MALRD1: variants seen among roughly 807,000 people sequenced by gnomAD.
The protein encoded by MALRD1 is MAM and LDL-receptor class A domain-containing protein 1.
Under a neutral mutation model 242.1 loss-of-function variants are expected in MALRD1, and 247 were observed. The ratio of observed to expected loss-of-function variants is 1.02; its 90% confidence interval spans 0.92 to 1.13. The LOEUF (loss-of-function observed/expected upper bound fraction) is 1.13. Ranked by LOEUF, MALRD1 falls within the 50% of genes most tolerant of loss-of-function variation. The probability of loss-of-function intolerance (pLI) is 0.00; values close to 1 mark genes in which losing one functional copy is unlikely to be tolerated. For synonymous variants in MALRD1, 995 were observed against 866.6 expected, an observed-to-expected ratio of 1.15 and a Z score of -2.60; for missense variants, 2,989 against 2,533.1, an observed-to-expected ratio of 1.18 and a Z score of -3.86.
intron 29 of MALRD1, among the ~76,000 whole-genome samples, chr10:19,461,892 C>A (rs1014418210): frequency 2.0e-5 from 3 of 152,090 alleles, no homozygotes; most frequent in Non-Finnish European, 4.4e-5. Context: ...TCTACTTTAC[C>A]GTACATAAAG....
chr10:19,677,211 T>G (rs778152139), intron 36 of MALRD1, among the ~76,000 whole-genome samples: 7 of 152,178 alleles, frequency 4.6e-5, no homozygotes, highest in Non-Finnish European at 1.0e-4. Context: ...AAATGGTATT[T>G]CTGGTTCTAG....
intron 21 of MALRD1, among the ~76,000 whole-genome samples, chr10:19,293,211 C>T (rs1051624712): frequency 2.0e-5 from 3 of 152,098 alleles, no homozygotes; most frequent in African/African-American, 7.2e-5. Flanking sequence ...TCCTTAGAAA[C>T]AGTTTTAGTG....
At chr10:19,302,465 A>G (rs1002877309) in intron 21 of MALRD1, among the ~76,000 whole-genome samples, 1 of 151,852 alleles carries the variant, frequency 6.6e-6, no homozygotes, top group African/African-American at 2.4e-5. Context: ...AAATGGAATG[A>G]CGGACCGTTG....
At chr10:19,500,245 C>T (rs754042669) in intron 31 of MALRD1, among the ~76,000 whole-genome samples, 20 of 152,118 alleles carry the variant, frequency 1.3e-4, no homozygotes, top group Non-Finnish European at 2.4e-4. Context: ...TGACTTGCCA[C>T]GTTGTAGCTC....
At chr10:19,110,922 C>T (rs544551734) in intron 5 of MALRD1, among the ~76,000 whole-genome samples, 1 of 152,264 alleles carries the variant, frequency 6.6e-6, no homozygotes, top group Admixed American at 6.5e-5. Context: ...GACTTTCCTA[C>T]TGTAGGGAAG....
At chr10:19,703,144 T>G (rs1167850591) in intron 38 of MALRD1, among the ~76,000 whole-genome samples, 1 of 152,170 alleles carries the variant, frequency 6.6e-6, no homozygotes, top group Non-Finnish European at 1.5e-5. Flanking sequence ...GAATTTAGGG[T>G]AAAGACACAG....
chr10:19,688,345 C>T (rs1222795363), intron 36 of MALRD1, among the ~76,000 whole-genome samples: 1 of 152,112 alleles, frequency 6.6e-6, no homozygotes, highest in Non-Finnish European at 1.5e-5. Flanking sequence ...TCCCGGCAGC[C>T]TCCAACTCTT....
intron 25 of MALRD1, among the ~76,000 whole-genome samples, chr10:19,350,196 G>T (rs1010606657): frequency 3.3e-5 from 5 of 151,802 alleles, no homozygotes; most frequent in African/African-American, 1.2e-4. Context: ...TCTTTGTAGG[G>T]GTTGGTATAT....
At chr10:19,565,857 A>G (rs944011481) in intron 32 of MALRD1, among the ~76,000 whole-genome samples, 4 of 152,160 alleles carry the variant, frequency 2.6e-5, no homozygotes, top group African/African-American at 7.2e-5. Flanking sequence ...AAAGTCTCAC[A>G]TTTCAGGTTT....
At chr10:19,116,068 T>C (rs1375876857) in intron 5 of MALRD1, among the ~76,000 whole-genome samples, 1 of 152,154 alleles carries the variant, frequency 6.6e-6, no homozygotes, top group Non-Finnish European at 1.5e-5. Flanking sequence ...TTCCAAGATA[T>C]GAAATTTTAT....
chr10:19,100,605 G>A (rs1402974613), intron 4 of MALRD1, among the ~76,000 whole-genome samples: 2 of 150,842 alleles, frequency 1.3e-5, no homozygotes, highest in African/African-American at 5.0e-5. Flanking sequence ...ACCACTGTCA[G>A]GAAATGAGAG....
chr10:19,215,986 A>T (rs1837296074), intron 18 of MALRD1, among the ~76,000 whole-genome samples: 1 of 151,800 alleles, frequency 6.6e-6, no homozygotes, highest in African/African-American at 2.4e-5. Flanking sequence ...ACCTATTCTG[A>T]CTTCAGTCAA....
chr10:19,326,932 T>C (rs1246951787), intron 22 of MALRD1, among the ~76,000 whole-genome samples: 1 of 152,112 alleles, frequency 6.6e-6, no homozygotes, highest in Non-Finnish European at 1.5e-5. Flanking sequence ...TCTTCATGGC[T>C]CATTTTGTAT....
chr10:19,250,998 C>G (rs140484553), intron 18 of MALRD1, among the ~76,000 whole-genome samples: 1 of 151,852 alleles, frequency 6.6e-6, no homozygotes, highest in East Asian at 1.9e-4. Context: ...ACAGCAGAGG[C>G]CTTGATGGGA....
At chr10:19,335,808 T>G (rs1843582819) in intron 24 of MALRD1, among the ~76,000 whole-genome samples, 2 of 152,132 alleles carry the variant, frequency 1.3e-5, no homozygotes, top group Non-Finnish European at 1.5e-5. Flanking sequence ...AGAAAAAATT[T>G]TTTTTTATTA....
intron 18 of MALRD1, among the ~76,000 whole-genome samples, chr10:19,220,459 T>G (rs1317027602): frequency 6.6e-6 from 1 of 152,178 alleles, no homozygotes; most frequent in African/African-American, 2.4e-5. Flanking sequence ...ATTTCTTACA[T>G]GAACGTCCAG....
intron 5 of MALRD1, among the ~76,000 whole-genome samples, chr10:19,116,171 A>G (rs1486513312): frequency 6.6e-6 from 1 of 152,196 alleles, no homozygotes; most frequent in Non-Finnish European, 1.5e-5. Flanking sequence ...TTAAATAAGA[A>G]CATGTTTAAT....
chr10:19,219,961 G>A (rs990374365), intron 18 of MALRD1, among the ~76,000 whole-genome samples: 24 of 152,240 alleles, frequency 1.6e-4, no homozygotes, highest in African/African-American at 5.8e-4. Flanking sequence ...TACTGTATTT[G>A]TTATCATAGA....
At chr10:19,688,912 A>T (rs1025342258) in intron 36 of MALRD1, among the ~76,000 whole-genome samples, 1 of 152,240 alleles carries the variant, frequency 6.6e-6, no homozygotes, top group Non-Finnish European at 1.5e-5. Context: ...CATGTTAAAT[A>T]TTCTCACTTG....
Sources: allele counts gnomAD v4.1 joint callset (sites outside exome capture counted in the v4.1 genomes callset), GRCh38; gene constraint gnomAD v4.1.1; transcripts MANE v1.5; gene names NCBI Gene and HGNC (gene_info 2026-07-23, HGNC 2026-07-21).